The following TMEM167A variants were observed in gnomAD, a reference collection of about 807,000 sequenced individuals.
TMEM167A encodes the protein protein kish-A.
A neutral mutation model predicts 11.6 loss-of-function variants in TMEM167A; 8 were observed. The observed-to-expected ratio is 0.69, with a 90% CI of 0.40 to 1.24. The LOEUF is 1.24. Ranked by LOEUF, TMEM167A falls within the 50% of genes most tolerant of loss-of-function variation. The pLI is 0.01. For synonymous variants in TMEM167A, 22 were observed against 28.0 expected (o/e 0.79, Z 0.67); for missense variants, 62 against 87.0 (o/e 0.71, Z 1.14).
chr5:83,061,798 T>C, intron 3 of TMEM167A, 79 bp downstream of exon 3: 1 of 1,341,710 alleles, frequency 7.5e-7, no homozygotes, highest in Non-Finnish European at 1.1e-6. Flanking sequence ...AATTAACATT[T>C]GACTTGTGAG....
At chr5:83,057,845 C>A (rs111764019) in intron 3 of TMEM167A, among the ~76,000 whole-genome samples, 436 of 152,154 alleles carry the variant, frequency 2.9e-3, no homozygotes, top group African/African-American at 9.7e-3. Context: ...AAGTAAATCT[C>A]AAACTGGCTT....
chr5:83,073,744 C>T (rs950454268), intron 1 of TMEM167A, among the ~76,000 whole-genome samples: 3 of 152,198 alleles, frequency 2.0e-5, no homozygotes, highest in South Asian at 4.1e-4. Flanking sequence ...ATGAAGACAA[C>T]GTGCAATTGG....
intron 1 of TMEM167A, among the ~76,000 whole-genome samples, chr5:83,072,853 GAAGTGGTTATCA>G (rs1411769300): frequency 6.6e-6 from 1 of 152,164 alleles, no homozygotes; most frequent in African/African-American, 2.4e-5. Context: ...TTAGCCTAAT[GAAGTGGTTATCA>G]AAGGTGTGGT....
In TMEM167A at chr5:83,055,299, T is replaced by C. The variant is rs1403607960; in HGVS notation, c.*1785A>G. 1 of 151,974 alleles carries C rather than the reference T, an allele frequency of 6.6e-6. No homozygotes were observed. Among genetic ancestry groups the C allele is most frequent in the Non-Finnish European group, 1.5e-5 (1 of 67,938 alleles). The allele number at this position is 151,974 out of a possible 1,614,324, so 9.4% of individuals were successfully genotyped here. A position where few individuals can be genotyped will look rare whatever the true frequency, so the allele number is the denominator to read the frequency against. On this transcript the variant is annotated 3_prime_UTR_variant, in exon 4 of 4. Coordinates refer to ENST00000502346, the MANE Select transcript of TMEM167A (RefSeq NM_174909.5). ...TTCATATTCGATTTGTCTTAGCATA[T>C]AAAAAATTAGTTGACATGGCTTTCG...
At chr5:83,061,572 T>G (rs540658081) in intron 3 of TMEM167A, among the ~76,000 whole-genome samples, 1 of 152,126 alleles carries the variant, frequency 6.6e-6, no homozygotes, top group African/African-American at 2.4e-5. Flanking sequence ...CCAGCTAACT[T>G]TTAGTAGAGA....
Position 83,065,050 on chromosome 5 carries a change from A to C in TMEM167A, c.71T>G (p.Ile24Ser). Residue 24 changes from isoleucine (I) to serine (S), a missense_variant, in exon 2 of 4, where the codon ATT becomes AGT. Physicochemically the swap from Ile to Ser is moderately radical, Grantham distance 142. Transcript: ENST00000502346. Reference sequence around the variant, plus strand: ...CAGGAGGCTGGGTGCCAAGGATCGAATATAAGCACAGGTACATATAAGCAG... The same window carrying C: ...CAGGAGGCTGGGTGCCAAGGATCGACTATAAGCACAGGTACATATAAGCAG... ...ILLLICTCAY[I>S]RSLAPSLLDR... The C allele has an allele frequency of 6.2e-7, 1 of 1,608,722 alleles. No homozygotes were observed. Among genetic ancestry groups the C allele is most frequent in the East Asian group, 2.2e-5 (1 of 44,752 alleles).
At chr5:83,077,215 A>G (rs1316446849) in intron 1 of TMEM167A, 106 bp downstream of exon 1, 3 of 1,549,590 alleles carry the variant, frequency 1.9e-6, no homozygotes, top group Admixed American at 1.7e-5. Flanking sequence ...AAGGCCTCTC[A>G]GCTCCGGGCC....
At chr5:83,064,056 A>G (rs1237774507) in intron 2 of TMEM167A, 1 of 319,804 alleles carries the variant, frequency 3.1e-6, no homozygotes, top group Admixed American at 4.6e-5. Flanking sequence ...AATTTTCTAT[A>G]CAAAATAATT....
At chr5:83,058,628 A>G (rs967459614) in intron 3 of TMEM167A, among the ~76,000 whole-genome samples, 1 of 152,094 alleles carries the variant, frequency 6.6e-6, no homozygotes, top group African/African-American at 2.4e-5. Context: ...ATATACCCTC[A>G]TCTCATAGAG....
At position 83,077,320 on chromosome 5, in the gene TMEM167A, C is replaced by A; in HGVS notation, c.3+1G>T. 6.2e-7 allele frequency: 1 copy of A among 1,614,180 alleles called. No homozygotes were observed. Among genetic ancestry groups the A allele is most frequent in the Non-Finnish European group, 8.5e-7 (1 of 1,180,018 alleles). On this transcript the variant is annotated splice_donor_variant, in intron 1 of 3. Coordinates refer to ENST00000502346, the MANE Select transcript of TMEM167A (RefSeq NM_174909.5). LOFTEE classifies it high-confidence loss of function. ...CGCGACCTGGGAGCCCCACTTCTTACCATAGCGAGGCCGGCGATGCCGCAG... is the reference window on the plus strand; with the variant it reads ...CGCGACCTGGGAGCCCCACTTCTTAACATAGCGAGGCCGGCGATGCCGCAG...
chr5:83,077,034 C>T (rs1744687510), intron 1 of TMEM167A, among the ~76,000 whole-genome samples: 1 of 152,236 alleles, frequency 6.6e-6, no homozygotes. Flanking sequence ...GGGTCAATGA[C>T]CACACATAAT....
intron 3 of TMEM167A, 76 bp downstream of exon 3, chr5:83,061,801 C>T (rs1469607350): frequency 7.4e-7 from 1 of 1,355,906 alleles, no homozygotes; most frequent in Non-Finnish European, 1.0e-6. Flanking sequence ...TAACATTTGA[C>T]TTGTGAGATT....
At position 83,065,175 on chromosome 5, in the gene TMEM167A, A is replaced by T. The variant is rs1744464902; in HGVS notation, c.4-58T>A. Reference sequence around the variant, plus strand: ...TCAAGAAAAACTGCATAGGTAAAAAATGTTTGACAATTCCACATTTAGAGT... The same window carrying T: ...TCAAGAAAAACTGCATAGGTAAAAATTGTTTGACAATTCCACATTTAGAGT... On this transcript the variant is annotated intron_variant, in intron 1 of 3. Coordinates refer to ENST00000502346, the MANE Select transcript of TMEM167A (RefSeq NM_174909.5). 11 of 1,065,980 alleles carry T rather than the reference A, an allele frequency of 1.0e-5. No homozygotes were observed. In the South Asian group the frequency reaches 1.3e-4, roughly 13 times the overall value. 66.0% of individuals were successfully genotyped at this position (1,065,980 alleles called of 1,614,324 possible). A position where few individuals can be genotyped will look rare whatever the true frequency, so the allele number is the denominator to read the frequency against.
At chr5:83,076,091 G>C (rs1993947) in intron 1 of TMEM167A, among the ~76,000 whole-genome samples, 139,745 of 152,290 alleles carry the variant, frequency 0.92, 64,316 homozygotes, top group African/African-American at 0.98. Context: ...AGATTTCGGG[G>C]ACCTGGACAT....
At chr5:83,071,868 T>C (rs1211348104) in intron 1 of TMEM167A, among the ~76,000 whole-genome samples, 1 of 152,168 alleles carries the variant, frequency 6.6e-6, no homozygotes, top group Non-Finnish European at 1.5e-5. Flanking sequence ...GTAATCCAAG[T>C]ATAAAAATTT....
chr5:83,072,695 G>T lies in TMEM167A; in HGVS notation c.3+4626C>A, dbSNP rs759632666. Among the ~76,000 whole-genome samples the T allele has an allele frequency of 4.6e-4, 70 of 151,922 alleles. No homozygotes were observed. The Middle Eastern group carries it at 0.01, about 22-fold the overall frequency. ...AGGTGCACGCCACCAAGCCCGGCTA[G>T]TTTTTTTTGTATTTTTAGTAGAAAT... is the stretch of plus-strand genomic sequence containing the variant. On this transcript the variant is annotated intron_variant, in intron 1 of 3. Coordinates refer to ENST00000502346, the MANE Select transcript of TMEM167A (RefSeq NM_174909.5).
intron 3 of TMEM167A, among the ~76,000 whole-genome samples, chr5:83,058,104 T>C (rs1215139917): frequency 1.3e-5 from 2 of 152,090 alleles, no homozygotes; most frequent in African/African-American, 2.4e-5. Context: ...TTCCATGATG[T>C]TTAAAGTCAA....
chr5:83,069,865 C>T (rs1744535811), intron 1 of TMEM167A, among the ~76,000 whole-genome samples: 1 of 152,102 alleles, frequency 6.6e-6, no homozygotes. Flanking sequence ...CAAGAGCATA[C>T]TTGGATTCCA....
Position 83,057,174 on chromosome 5 carries a change from GTTCATC to G in TMEM167A, c.149-26_149-21del. The G allele has an allele frequency of 6.2e-7, 1 of 1,608,732 alleles. No homozygotes were observed. Among genetic ancestry groups the G allele is most frequent in the Non-Finnish European group, 8.5e-7 (1 of 1,176,674 alleles). The stretch of plus-strand genomic sequence containing the variant: ...GTTCACCTGTTGAAAAAAAGGAGAT[GTTCATC>G]TTGATTAACTGAGTGGCTAACCTGG... On this transcript the variant is annotated intron_variant, in intron 3 of 3. Transcript: ENST00000502346.
Sources: allele counts gnomAD v4.1 joint callset (sites outside exome capture counted in the v4.1 genomes callset), GRCh38; gene constraint gnomAD v4.1.1; transcripts MANE v1.5; gene names NCBI Gene and HGNC (gene_info 2026-07-23, HGNC 2026-07-21).